Variants in OR56A3 observed in about 807,000 individuals in gnomAD.
OR56A3 encodes olfactory receptor 56A3.
In OR56A3, 23 loss-of-function variants were observed where a neutral mutation model predicts 17.5. The observed-to-expected ratio is 1.32, with a 90% CI of 0.95 to 1.87. The LOEUF is 1.87. Ranked by LOEUF, OR56A3 falls within the 40% of genes most tolerant of loss-of-function variation. The pLI is 0.00. For missense variants in OR56A3, 366 were observed against 380.1 expected (o/e 0.96, Z 0.31); for synonymous variants, 175 against 150.6 (o/e 1.16, Z -1.19).
chr11:5,973,277 G>A, the OR56A3 span, among the ~76,000 whole-genome samples: 486 of 152,210 alleles, frequency 3.2e-3, 6 homozygotes, highest in Non-Finnish European at 1.9e-3. Flanking sequence ...TTACATTATA[G>A]TATCAATAGC....
chr11:5,991,392 C>G, the OR56A3 span, among the ~76,000 whole-genome samples: 1 of 152,138 alleles, frequency 6.6e-6, no homozygotes, highest in South Asian at 2.1e-4. Context: ...CCCCCACTGT[C>G]ATAGAGTCCA....
In OR56A3 at chr11:5,950,150, T is replaced by C. The variant is rs950325056; in HGVS notation, c.*1856T>C. On this transcript the variant is annotated 3_prime_UTR_variant, in exon 3 of 3. Transcript: ENST00000641160. ...ATTAAAAATCTGAAAGTTTTAACAA[T>C]ATGCTATATTAACATATACTTATCA... 2.0e-5 allele frequency: 3 copies of C among 152,330 alleles called. No individual in the cohort carries two copies. The highest frequency in any genetic ancestry group is 7.2e-5 in the African/African-American group (3 of 41,580). 9.4% of individuals were successfully genotyped at this position (152,330 alleles called of 1,614,324 possible).
At chr11:5,952,317 T>G (rs977795151), downstream of OR56A3, among the ~76,000 whole-genome samples, 6 of 152,132 alleles carry the variant, frequency 3.9e-5, no homozygotes, top group African/African-American at 1.4e-4. Flanking sequence ...GAACTCACTT[T>G]TGAGCCAAAG....
At chr11:5,960,518 C>T in the OR56A3 span, among the ~76,000 whole-genome samples, 1 of 152,246 alleles carries the variant, frequency 6.6e-6, no homozygotes, top group Non-Finnish European at 1.5e-5. Context: ...GCCTCGGCCT[C>T]CCGAGGTGCC....
the OR56A3 span, among the ~76,000 whole-genome samples, chr11:5,997,337 TC>T: frequency 1.3e-5 from 2 of 152,324 alleles, no homozygotes; most frequent in Non-Finnish European, 1.5e-5. Context: ...ACTCTCATGC[TC>T]ATTATTTTCC....
chr11:5,994,732 A>C, the OR56A3 span: 1 of 815,730 alleles, frequency 1.2e-6, no homozygotes, highest in Non-Finnish European at 2.1e-6. Flanking sequence ...CATTGTCCAC[A>C]GTATTTGCGA....
At chr11:5,988,860 C>A in the OR56A3 span, among the ~76,000 whole-genome samples, 1 of 152,202 alleles carries the variant, frequency 6.6e-6, no homozygotes, top group Non-Finnish European at 1.5e-5. Context: ...GTATGTTTGT[C>A]TTAAAGGACA....
At chr11:6,001,816 G>A in the OR56A3 span, 1 of 445,340 alleles carries the variant, frequency 2.2e-6, no homozygotes. Flanking sequence ...ATTAGATCAG[G>A]AAAAATTCCA....
chr11:5,983,832 CACT>C, the OR56A3 span, among the ~76,000 whole-genome samples: 2 of 152,326 alleles, frequency 1.3e-5, no homozygotes, highest in African/African-American at 4.8e-5. Context: ...TGATCTGTTT[CACT>C]GCCTGCCTCA....
the OR56A3 span, among the ~76,000 whole-genome samples, chr11:6,014,794 T>C: frequency 1.3e-5 from 2 of 151,800 alleles, no homozygotes; most frequent in Non-Finnish European, 2.9e-5. Context: ...AGGTCTCAGA[T>C]GGAAAAGAGG....
the OR56A3 span, chr11:5,994,777 G>A: frequency 2.7e-4 from 206 of 758,866 alleles, 1 homozygote; most frequent in African/African-American, 3.1e-3. Flanking sequence ...AGGTCTTGAA[G>A]TAATGTCCCC....
the OR56A3 span, among the ~76,000 whole-genome samples, chr11:5,970,588 A>G: frequency 6.6e-6 from 1 of 152,196 alleles, no homozygotes; most frequent in African/African-American, 2.4e-5. Flanking sequence ...CAGGTAGAAC[A>G]GTATGTATTA....
chr11:5,973,196 G>C, the OR56A3 span, among the ~76,000 whole-genome samples: 1 of 152,058 alleles, frequency 6.6e-6, no homozygotes, highest in African/African-American at 2.4e-5. Context: ...TATATGTCCA[G>C]AATGAGATTA....
At chr11:5,987,984 C>A in the OR56A3 span, among the ~76,000 whole-genome samples, 3 of 152,140 alleles carry the variant, frequency 2.0e-5, no homozygotes, top group African/African-American at 7.2e-5. Context: ...TACTTTGAGA[C>A]TGGCATAAAA....
At chr11:5,960,912 G>A in the OR56A3 span, among the ~76,000 whole-genome samples, 37,540 of 150,322 alleles carry the variant, frequency 0.25, 4,666 homozygotes, top group Non-Finnish European at 0.27. Flanking sequence ...CTGCCCGGCC[G>A]TGACCCTGTC....
chr11:5,966,947 A>G, the OR56A3 span, among the ~76,000 whole-genome samples: 1 of 151,554 alleles, frequency 6.6e-6, no homozygotes, highest in Non-Finnish European at 1.5e-5. Context: ...TTTAAGATGT[A>G]AAAATCACTA....
chr11:6,007,335 G>C, the OR56A3 span, among the ~76,000 whole-genome samples: 1 of 152,154 alleles, frequency 6.6e-6, no homozygotes, highest in African/African-American at 2.4e-5. Context: ...GTTTGTCAAA[G>C]GATATAAAAT....
At chr11:6,001,763 A>G in the OR56A3 span, 7 of 322,358 alleles carry the variant, frequency 2.2e-5, 1 homozygote, top group Non-Finnish European at 1.7e-5. Context: ...CCATTCTAAT[A>G]CAGCTCCATT....
chr11:5,961,926 A>G, the OR56A3 span, among the ~76,000 whole-genome samples: 1 of 152,052 alleles, frequency 6.6e-6, no homozygotes, highest in Non-Finnish European at 1.5e-5. Context: ...AAGACTTCCA[A>G]TATTAGTAAA....
Sources: gnomAD v4.1 joint callset for allele counts (sites outside exome capture counted in the v4.1 genomes callset) on GRCh38, gnomAD v4.1.1 for gene constraint, MANE v1.5 for transcripts, NCBI Gene and HGNC (gene_info 2026-07-23, HGNC 2026-07-21) for gene names.